VWA8: variants seen among roughly 807,000 people sequenced by gnomAD.
VWA8 encodes the protein von Willebrand factor A domain containing 8.
VWA8 carries 221 observed loss-of-function variants against 241.5 expected under a neutral mutation model. The ratio of observed to expected loss-of-function variants is 0.91; its 90% confidence interval spans 0.82 to 1.02. VWA8 has a LOEUF of 1.02. VWA8 is among the 50% of genes least tolerant of loss of function. The pLI, the probability that VWA8 is intolerant of heterozygous loss-of-function variation, is 0.00. For synonymous variants in VWA8, 852 were observed against 827.1 expected, an observed-to-expected ratio of 1.03 and a Z score of -0.52; for missense variants, 2,322 against 2,328.7, an observed-to-expected ratio of 1.00 and a Z score of 0.06.
At chr13:41,570,752 T>A (rs759902745) in intron 43 of VWA8, 46 bp from the exon 44 acceptor site, 1 of 1,539,448 alleles carries the variant, frequency 6.5e-7, no homozygotes, top group African/African-American at 1.4e-5. Context: ...GAGAAACTTC[T>A]TTTTTAACAA....
intron 26 of VWA8, among the ~76,000 whole-genome samples, chr13:41,717,454 T>A (rs1021781606): frequency 6.6e-6 from 1 of 152,042 alleles, no homozygotes; most frequent in African/African-American, 2.4e-5. Context: ...AGGGCAGGAT[T>A]CTGTCTTGTC....
intron 4 of VWA8, among the ~76,000 whole-genome samples, chr13:41,906,282 A>G (rs1211608335): frequency 6.6e-6 from 1 of 152,134 alleles, no homozygotes; most frequent in East Asian, 1.9e-4. Flanking sequence ...TTCAAATGTA[A>G]AGAACTACGA....
At chr13:41,620,997 A>G (rs1474028934) in intron 37 of VWA8, among the ~76,000 whole-genome samples, 1 of 152,178 alleles carries the variant, frequency 6.6e-6, no homozygotes, top group African/African-American at 2.4e-5. Flanking sequence ...AAGGTGATCA[A>G]AGTAGGGTTT....
intron 14 of VWA8, among the ~76,000 whole-genome samples, chr13:41,824,606 C>A (rs1308550223): frequency 6.6e-6 from 1 of 151,814 alleles, no homozygotes; most frequent in African/African-American, 2.4e-5. Flanking sequence ...GGAGGGAGGA[C>A]TGCTTGAGGC....
intron 43 of VWA8, among the ~76,000 whole-genome samples, chr13:41,574,958 T>C (rs959346398): frequency 6.6e-6 from 1 of 152,086 alleles, no homozygotes; most frequent in Non-Finnish European, 1.5e-5. Flanking sequence ...AAAGACAACA[T>C]GCACACACGT....
At chr13:41,703,621 GA>G (rs2045264407) in intron 26 of VWA8, among the ~76,000 whole-genome samples, 1 of 152,112 alleles carries the variant, frequency 6.6e-6, no homozygotes, top group African/African-American at 2.4e-5. Context: ...CAGAAACTAA[GA>G]AGGTAAGGCA....
chr13:41,717,317 AT>A (rs1241203364), intron 26 of VWA8, among the ~76,000 whole-genome samples: 4 of 151,772 alleles, frequency 2.6e-5, no homozygotes, highest in African/African-American at 9.7e-5. Flanking sequence ...ATATTCAAAT[AT>A]TTTAAAATAT....
intron 37 of VWA8, among the ~76,000 whole-genome samples, chr13:41,657,517 C>T (rs1199752749): frequency 6.9e-6 from 1 of 145,686 alleles, no homozygotes; most frequent in Non-Finnish European, 1.5e-5. Flanking sequence ...GAGTCTCACT[C>T]TGTCGCCCAG....
chr13:41,837,748 C>G (rs1013831025), intron 12 of VWA8, among the ~76,000 whole-genome samples: 1 of 152,100 alleles, frequency 6.6e-6, no homozygotes, highest in Non-Finnish European at 1.5e-5. Flanking sequence ...TGTGCTTATT[C>G]CATACGGGCA....
rs147240163 is a variant in VWA8, at chr13:41,582,827, G to A, written c.5271+4685C>T. Reference sequence around the variant, plus strand: ...GAGACTGATAATTCCACTAATAGTGGTTGTACTGGAGAGAGGAGCTGGGAG... The same window carrying A: ...GAGACTGATAATTCCACTAATAGTGATTGTACTGGAGAGAGGAGCTGGGAG... On this transcript the variant is annotated intron_variant, in intron 42 of 44. Coordinates refer to ENST00000379310, the MANE Select transcript of VWA8 (RefSeq NM_015058.2). Among the ~76,000 whole-genome samples, 547 of 152,298 alleles carry A rather than the reference G, an allele frequency of 3.6e-3. 2 individuals are homozygous for A. The highest frequency in any genetic ancestry group is 0.012 in the African/African-American group (518 of 41,558).
intron 17 of VWA8, among the ~76,000 whole-genome samples, chr13:41,794,801 A>G (rs1593777157): frequency 6.6e-6 from 1 of 152,262 alleles, no homozygotes; most frequent in Non-Finnish European, 1.5e-5. Context: ...AAAATTAACT[A>G]AAGATGGATT....
chr13:41,749,470 A>G (rs1275507663), intron 21 of VWA8, among the ~76,000 whole-genome samples: 1 of 106,924 alleles, frequency 9.4e-6, no homozygotes, highest in Admixed American at 9.4e-5. Context: ...ATCTAGAACT[A>G]GAAATACCTT....
intron 14 of VWA8, 117 bp downstream of exon 14, chr13:41,830,412 A>G: frequency 2.3e-6 from 2 of 867,852 alleles, no homozygotes; most frequent in Non-Finnish European, 3.5e-6. Flanking sequence ...CCAGGACACC[A>G]AATTATTAAA....
chr13:41,834,747 A>T (rs1342603403), intron 12 of VWA8, among the ~76,000 whole-genome samples: 2 of 152,196 alleles, frequency 1.3e-5, no homozygotes, highest in Non-Finnish European at 2.9e-5. Context: ...ACCCCAAGGG[A>T]TATAAATCAT....
intron 37 of VWA8, among the ~76,000 whole-genome samples, chr13:41,652,123 T>G (rs2044873204): frequency 1.3e-5 from 2 of 152,184 alleles, no homozygotes; most frequent in South Asian, 4.1e-4. Flanking sequence ...GGGGCACAAC[T>G]TCCTGTTCAC....
intron 40 of VWA8, among the ~76,000 whole-genome samples, chr13:41,601,782 T>A (rs541953633): frequency 2.0e-5 from 3 of 152,114 alleles, no homozygotes; most frequent in Non-Finnish European, 4.4e-5. Flanking sequence ...TACTGCAACA[T>A]AGGCACATGT....
At chr13:41,953,224 G>A (rs976580139) in intron 1 of VWA8, among the ~76,000 whole-genome samples, 14 of 152,358 alleles carry the variant, frequency 9.2e-5, no homozygotes, top group African/African-American at 3.1e-4. Flanking sequence ...ACCAAGTATA[G>A]ACGTAAAGAA....
Position 41,721,391 on chromosome 13 carries a change from G to A in VWA8, c.2943C>T (p.Val981=). ...INYPYSTREV[V]NIVKHLQKFP... is the part of the protein sequence containing the mutation. ...CTACCTGTAAATGTTTGACTATGTT[G>A]ACAACTTCTCTGGTAGAATAAGGAT... is the stretch of plus-strand genomic sequence containing the variant. The change falls in exon 25 of 45, where the codon GTC becomes GTT. Residue 981 remains valine (V), a synonymous_variant. Transcript: ENST00000379310. 1.2e-6 allele frequency: 2 copies of A among 1,613,682 alleles called. No individual in the cohort carries two copies. Among genetic ancestry groups the A allele is most frequent in the South Asian group, 1.1e-5 (1 of 91,046 alleles).
At chr13:41,853,662 T>C (rs2138033037) in intron 12 of VWA8, among the ~76,000 whole-genome samples, 1 of 152,298 alleles carries the variant, frequency 6.6e-6, no homozygotes, top group African/African-American at 2.4e-5. Context: ...AGTTTGTTGA[T>C]GTATAGTAGT....
Sources: allele counts gnomAD v4.1 joint callset (sites outside exome capture counted in the v4.1 genomes callset), GRCh38; gene constraint gnomAD v4.1.1; transcripts MANE v1.5; gene names NCBI Gene and HGNC (gene_info 2026-07-23, HGNC 2026-07-21).